FRY: variants seen among roughly 807,000 people sequenced by gnomAD.
The protein encoded by FRY is FRY microtubule binding protein.
FRY carries 128 observed loss-of-function variants against 348.4 expected under a neutral mutation model. The ratio of observed to expected loss-of-function variants is 0.37; its 90% CI spans 0.32 to 0.43. The LOEUF (loss-of-function observed/expected upper bound fraction) is 0.43, where lower values mean the gene tolerates loss of function less well. Among genes scored for constraint, FRY ranks in the 20% least tolerant of loss-of-function variants. The probability of loss-of-function intolerance (pLI) is 1.00; values close to 1 mark genes in which losing one functional copy is unlikely to be tolerated. For synonymous variants in FRY, 1,370 were observed against 1,374.7 expected (o/e 1.00, Z 0.08); for missense variants, 2,736 against 3,695.2 (o/e 0.74, Z 6.73).
At chr13:32,137,708 A>G (rs141934953) in intron 11 of FRY, among the ~76,000 whole-genome samples, 1 of 152,342 alleles carries the variant, frequency 6.6e-6, no homozygotes, top group East Asian at 1.9e-4. Flanking sequence ...TGTATTTTTG[A>G]CAGTTGTTCT....
At chr13:32,266,569 G>C (rs1265657153) in intron 54 of FRY, among the ~76,000 whole-genome samples, 1 of 152,240 alleles carries the variant, frequency 6.6e-6, no homozygotes, top group Non-Finnish European at 1.5e-5. Context: ...TAGCCTCTGT[G>C]AAAGTGAGAG....
intron 58 of FRY, among the ~76,000 whole-genome samples, chr13:32,278,864 C>A (rs1008667861): frequency 7.2e-5 from 11 of 152,158 alleles, no homozygotes; most frequent in Non-Finnish European, 1.2e-4. Context: ...TTCATTAATT[C>A]TTCACTGAAC....
At chr13:32,111,299 C>A (rs943072197) in intron 3 of FRY, among the ~76,000 whole-genome samples, 3 of 151,822 alleles carry the variant, frequency 2.0e-5, no homozygotes, top group Non-Finnish European at 4.4e-5. Flanking sequence ...ACCAGCCTGA[C>A]CAACATGGTG....
At chr13:32,286,529 C>G (rs978627153) in intron 58 of FRY, among the ~76,000 whole-genome samples, 1 of 151,920 alleles carries the variant, frequency 6.6e-6, no homozygotes, top group African/African-American at 2.4e-5. Context: ...AGGCGGATCA[C>G]AAGGTCAGGA....
chr13:32,128,540 A>G (rs942330391), intron 7 of FRY, among the ~76,000 whole-genome samples: 1 of 152,192 alleles, frequency 6.6e-6, no homozygotes, highest in African/African-American at 2.4e-5. Flanking sequence ...CAGAGACTAC[A>G]TGTTACCATT....
intron 3 of FRY, 65 bp from the exon 4 acceptor site, chr13:32,117,256 GGTTACTTGTGAAA>G: frequency 7.6e-7 from 1 of 1,311,690 alleles, no homozygotes; most frequent in Non-Finnish European, 1.1e-6. Context: ...TAGTGCTTGG[GGTTACTTGTGAAA>G]TAAAAAGTTT....
intron 1 of FRY, among the ~76,000 whole-genome samples, chr13:32,057,959 CA>C (rs143517073): frequency 4.0e-5 from 6 of 150,454 alleles, no homozygotes; most frequent in African/African-American, 1.5e-4. Flanking sequence ...GACTCCGTCT[CA>C]AAAAAAAATA....
intron 1 of FRY, among the ~76,000 whole-genome samples, chr13:32,071,618 G>C (rs941738485): frequency 6.6e-6 from 1 of 152,190 alleles, no homozygotes; most frequent in African/African-American, 2.4e-5. Context: ...TTTGGGCTGA[G>C]ATGATGGGGT....
At chr13:32,102,108 A>G (rs1185496662) in intron 3 of FRY, 92 bp downstream of exon 3, 3 of 795,406 alleles carry the variant, frequency 3.8e-6, no homozygotes, top group Admixed American at 1.7e-5. Flanking sequence ...GTATGGATGA[A>G]CATCCTCAAA....
At chr13:32,065,901 G>A (rs2138466137) in intron 1 of FRY, among the ~76,000 whole-genome samples, 1 of 152,222 alleles carries the variant, frequency 6.6e-6, no homozygotes, top group South Asian at 2.1e-4. Flanking sequence ...AATGTGCCCA[G>A]CCCTTGTTTC....
intron 55 of FRY, among the ~76,000 whole-genome samples, chr13:32,268,499 AAAAAAAATATATATATATATATATATAT>A (rs1388461536): frequency 1.2e-4 from 2 of 16,006 alleles, no homozygotes; most frequent in Non-Finnish European, 3.1e-4. Flanking sequence ...AAAAAAAAAA[AAAAAAAATATATATATATATATATATAT>A]ATATATATAT....
chr13:32,239,018 A>T lies in FRY; in HGVS notation c.6419-234A>T, dbSNP rs1222357077. ...CAGCCATCCTTATTCACAATAGTCC[A>T]GTGCAAGATAATCACTGCATCTTAA... On this transcript the variant is annotated intron_variant, in intron 44 of 60. Coordinates refer to ENST00000542859, the MANE Select transcript of FRY (RefSeq NM_023037.3). This position sits in a 1 kb window ranked among gnomAD's most constrained non-coding sequence, Gnocchi z 4.3. Among the ~76,000 whole-genome samples, 2 of 152,242 alleles carry T rather than the reference A, an allele frequency of 1.3e-5. No individual in the cohort carries two copies. The highest frequency in any genetic ancestry group is 4.8e-5 in the African/African-American group (2 of 41,468).
At position 32,202,546 on chromosome 13, in the gene FRY, T is replaced by C. The variant is rs778370516; in HGVS notation, c.4018+19T>C. ...TTCTCAGGTACCAGGCAATAGTCAA[T>C]AATGACATATGTGATCATTTCTAAT... On this transcript the variant is annotated intron_variant, in intron 31 of 60. Transcript: ENST00000542859. 6.4e-7 allele frequency: 1 copy of C among 1,572,406 alleles called. No homozygotes were observed. Among genetic ancestry groups the C allele is most frequent in the South Asian group, 1.1e-5 (1 of 90,134 alleles).
chr13:32,159,367 T>G (rs2138173464), intron 16 of FRY, among the ~76,000 whole-genome samples: 1 of 152,320 alleles, frequency 6.6e-6, no homozygotes, highest in East Asian at 1.9e-4. Context: ...GGCCACCACT[T>G]TCCCAGGCCC....
chr13:32,102,436 T>A (rs1458499537), intron 3 of FRY, among the ~76,000 whole-genome samples: 2 of 152,218 alleles, frequency 1.3e-5, no homozygotes, highest in African/African-American at 4.8e-5. Context: ...AGGCCTACTA[T>A]TTGCTTGACG....
In FRY at chr13:32,224,248, T is replaced by A. The variant is rs777709431; in HGVS notation, c.4779T>A (p.Ser1593=). The change falls in exon 37 of 61, where the codon TCT becomes TCA. Residue 1593 remains serine, a synonymous_variant. Transcript: ENST00000542859. ...CTCACCCTCCAGATGATCCAATTTC[T>A]CCCTACACGGGCTGGTTGCTGACTA... ...SYDEDKNDPI[S]PYTGWLLTIT... is the part of the protein sequence containing the mutation. The A allele has an allele frequency of 1.2e-6, 2 of 1,614,118 alleles. No individual in the cohort carries two copies. The highest frequency in any genetic ancestry group is 2.2e-5 in the South Asian group (2 of 91,082).
intron 36 of FRY, among the ~76,000 whole-genome samples, chr13:32,219,290 C>T (rs1020333326): frequency 2.7e-5 from 4 of 149,124 alleles, no homozygotes; most frequent in East Asian, 2.0e-4. Flanking sequence ...GGGATTTCAC[C>T]GTGTTAACCA....
At chr13:32,257,526 C>T (rs1403900087) in intron 51 of FRY, among the ~76,000 whole-genome samples, 2 of 152,194 alleles carry the variant, frequency 1.3e-5, no homozygotes, top group African/African-American at 2.4e-5. Flanking sequence ...GCATCATGAT[C>T]ACAAACACTT....
At chr13:32,116,902 G>A (rs1315344858) in intron 3 of FRY, among the ~76,000 whole-genome samples, 1 of 152,136 alleles carries the variant, frequency 6.6e-6, no homozygotes, top group African/African-American at 2.4e-5. Context: ...TTACCACTTA[G>A]GTTATTTGGT....
Sources: allele counts gnomAD v4.1 joint callset (sites outside exome capture counted in the v4.1 genomes callset), GRCh38; gene constraint gnomAD v4.1.1; non-coding constraint Gnocchi (gnomAD v3.1); transcripts MANE v1.5; gene names NCBI Gene and HGNC (gene_info 2026-07-23, HGNC 2026-07-21).